The following AK8 variants were observed in gnomAD, a reference collection of about 807,000 sequenced individuals.
AK8 encodes ATP-AMP transphosphorylase 8.
Under a neutral mutation model 54.6 loss-of-function variants are expected in AK8, and 44 were observed. That is an observed-to-expected ratio of 0.81 (90% confidence interval 0.63 to 1.04). AK8 has a LOEUF of 1.04. Ranked by LOEUF, AK8 falls within the 50% of genes least tolerant of loss-of-function variation. The pLI, the probability that AK8 is intolerant of heterozygous loss-of-function variation, is 0.00. For missense variants in AK8, 555 were observed against 613.6 expected (o/e 0.90, Z 1.01); for synonymous variants, 239 against 245.6 (o/e 0.97, Z 0.25).
At position 132,793,491 on chromosome 9, in the gene AK8, C is replaced by T. The variant is rs982467688; in HGVS notation, c.980-716G>A. 3.9e-5 allele frequency among the ~76,000 whole-genome samples: 6 copies of T among 152,238 alleles called. 1 individual carries two copies. The highest frequency in any genetic ancestry group is 8.8e-5 in the Non-Finnish European group (6 of 68,046). ...GGACTGTGCCAGCGCCCCCAAAGCT[C>T]TCTGCCAGTCTGTGATGCGCTAGCA... is the stretch of plus-strand genomic sequence containing the variant. On this transcript the variant is annotated intron_variant, in intron 10 of 12. Transcript: ENST00000298545.
chr9:132,865,454 C>T (rs557868011), intron 3 of AK8, among the ~76,000 whole-genome samples: 5 of 152,322 alleles, frequency 3.3e-5, no homozygotes, highest in South Asian at 4.1e-4. Flanking sequence ...CTGATGTTCA[C>T]CAATCAGGCT....
chr9:132,849,516 G>T (rs1239743982), intron 5 of AK8, among the ~76,000 whole-genome samples: 3 of 152,160 alleles, frequency 2.0e-5, no homozygotes, highest in Non-Finnish European at 2.9e-5. Context: ...ATTTAGAATA[G>T]CCTCTGGGCT....
At chr9:132,738,608 G>C (rs745617474) in intron 11 of AK8, among the ~76,000 whole-genome samples, 5 of 152,046 alleles carry the variant, frequency 3.3e-5, no homozygotes, top group Non-Finnish European at 1.5e-5. Flanking sequence ...AGCTAGACTG[G>C]GATGGGAGGG....
At chr9:132,784,576 A>G (rs1839614179) in intron 11 of AK8, among the ~76,000 whole-genome samples, 1 of 152,144 alleles carries the variant, frequency 6.6e-6, no homozygotes, top group Non-Finnish European at 1.5e-5. Context: ...AGAGAAGGAA[A>G]GAGAAACACA....
chr9:132,742,090 T>G (rs1271217699), intron 11 of AK8, among the ~76,000 whole-genome samples: 1 of 152,086 alleles, frequency 6.6e-6, no homozygotes, highest in Non-Finnish European at 1.5e-5. Flanking sequence ...AGAACTTCAT[T>G]CCTCGTGCAG....
At chr9:132,850,055 T>C (rs1310838385) in intron 5 of AK8, among the ~76,000 whole-genome samples, 2 of 98,630 alleles carry the variant, frequency 2.0e-5, no homozygotes, top group Non-Finnish European at 2.0e-5. Flanking sequence ...CCCTAGTACA[T>C]TTTTTTTTTT....
At chr9:132,839,825 G>A (rs966128439) in intron 5 of AK8, among the ~76,000 whole-genome samples, 9 of 147,530 alleles carry the variant, frequency 6.1e-5, no homozygotes, top group Non-Finnish European at 1.3e-4. Flanking sequence ...TTTGCCGGGG[G>A]GGGGGGCGCA....
At chr9:132,787,864 A>G (rs1472231489) in intron 11 of AK8, among the ~76,000 whole-genome samples, 1 of 152,160 alleles carries the variant, frequency 6.6e-6, no homozygotes, top group Non-Finnish European at 1.5e-5. Context: ...TTGTCAAATC[A>G]AGGGGGTATA....
chr9:132,814,714 T>C lies in AK8; in HGVS notation c.903A>G (p.Gln301=), dbSNP rs1261921458. The change falls in exon 10 of 13, where the codon CAA becomes CAG. Residue 301 remains glutamine (Q), a synonymous_variant. Coordinates refer to ENST00000298545, the MANE Select transcript of AK8 (RefSeq NM_152572.3). ...KYRLVNVCCG[Q]LLKEAVADRT... is the part of the protein sequence containing the mutation. ...TATCTGCCACAGCCTCTTTCAGCAG[T>C]TGCCCACAGCAGACTGAAGGAGAGG... The C allele has an allele frequency of 6.2e-7, 1 of 1,613,682 alleles. No homozygotes were observed. Among genetic ancestry groups the C allele is most frequent in the African/African-American group, 1.3e-5 (1 of 74,830 alleles).
chr9:132,808,726 A>G (rs376289116), intron 10 of AK8, among the ~76,000 whole-genome samples: 6 of 152,300 alleles, frequency 3.9e-5, no homozygotes, highest in African/African-American at 1.4e-4. Flanking sequence ...AGGGATGCAC[A>G]ATAACAAAAG....
chr9:132,878,327 C>G (rs547779089), upstream of AK8: 265 of 1,298,976 alleles, frequency 2.0e-4, no homozygotes, highest in Non-Finnish European at 2.4e-4. This position sits in a 1 kb window ranked among gnomAD's most constrained non-coding sequence, Gnocchi z 4.7. Flanking sequence ...GTCATCAGCA[C>G]GCGCCGCGGC....
chr9:132,843,358 G>A (rs544403805), intron 5 of AK8, among the ~76,000 whole-genome samples: 2 of 152,158 alleles, frequency 1.3e-5, no homozygotes, highest in Non-Finnish European at 2.9e-5. Flanking sequence ...CTTCTGCCGT[G>A]ATGGTAAACT....
Position 132,799,596 on chromosome 9 carries a change from AACAC to A in AK8, c.980-6825_980-6822del, listed in dbSNP as rs141099716. On this transcript the variant is annotated intron_variant, in intron 10 of 12. Transcript: ENST00000298545. The surrounding 1 kb of genome is among the most constrained non-coding windows in gnomAD (Gnocchi z 5.0). Reference sequence around the variant, plus strand: ...ACATGTGCTCATGCACTCAGCTACAAACACACACACACACACACCACACACCCCC... The same window carrying A: ...ACATGTGCTCATGCACTCAGCTACAAACACACACACACACCACACACCCCC... Among the ~76,000 whole-genome samples the A allele has an allele frequency of 2.7e-5, 4 of 149,886 alleles. No individual in the cohort carries two copies. Among genetic ancestry groups the A allele is most frequent in the Admixed American group, 2.0e-4 (3 of 15,034 alleles).
intron 11 of AK8, among the ~76,000 whole-genome samples, chr9:132,789,597 CAAAAAA>C (rs578003731): frequency 7.6e-4 from 44 of 57,552 alleles, no homozygotes; most frequent in South Asian, 6.6e-3. Flanking sequence ...ACTCATCTCA[CAAAAAA>C]AAAAAAAAAA....
chr9:132,740,719 G>T (rs972459544), intron 11 of AK8, among the ~76,000 whole-genome samples: 5 of 149,622 alleles, frequency 3.3e-5, no homozygotes, highest in Non-Finnish European at 7.5e-5. Flanking sequence ...GCACCCCCCC[G>T]CCCCACTCTG....
intron 5 of AK8, among the ~76,000 whole-genome samples, chr9:132,850,054 A>AT (rs779350912): frequency 0.024 from 2,480 of 101,360 alleles, 89 homozygotes; most frequent in African/African-American, 0.076. Context: ...ACCCTAGTAC[A>AT]TTTTTTTTTT....
intron 11 of AK8, among the ~76,000 whole-genome samples, chr9:132,732,166 C>T (rs504790): frequency 6.6e-6 from 1 of 151,828 alleles, no homozygotes; most frequent in African/African-American, 2.4e-5. Context: ...AAAAAATCCC[C>T]TTTTCTATAT....
At chr9:132,816,126 G>A (rs1051243004) in intron 9 of AK8, among the ~76,000 whole-genome samples, 3 of 152,138 alleles carry the variant, frequency 2.0e-5, no homozygotes, top group Non-Finnish European at 4.4e-5. Context: ...GGCCAAGGCG[G>A]GAGGATCATT....
chr9:132,801,077 A>T (rs1240129774), intron 10 of AK8, among the ~76,000 whole-genome samples: 1 of 152,052 alleles, frequency 6.6e-6, no homozygotes, highest in Admixed American at 6.5e-5. Flanking sequence ...GAAGTGCGCC[A>T]CCAGGCCCGG....
Sources: gnomAD v4.1 joint callset for allele counts (sites outside exome capture counted in the v4.1 genomes callset) on GRCh38, gnomAD v4.1.1 for gene constraint, Gnocchi (gnomAD v3.1) non-coding constraint, MANE v1.5 for transcripts, NCBI Gene and HGNC (gene_info 2026-07-23, HGNC 2026-07-21) for gene names.